The following DEGS2 variants were observed in gnomAD, a reference collection of about 807,000 sequenced individuals.
The protein encoded by DEGS2 is sphingolipid delta(4)-desaturase/C4-monooxygenase DES2.
A neutral mutation model predicts 23.8 loss-of-function variants in DEGS2; 19 were observed. The observed-to-expected ratio is 0.80, with a 90% CI of 0.56 to 1.17. DEGS2 has a LOEUF of 1.17. DEGS2 is among the 50% of genes most tolerant of loss of function. The pLI is 0.00. For synonymous variants in DEGS2, 218 were observed against 213.7 expected, an observed-to-expected ratio of 1.02 and a Z score of -0.18; for missense variants, 390 against 459.5, an observed-to-expected ratio of 0.85 and a Z score of 1.38.
chr14:100,161,460 G>A (rs766106132), upstream of DEGS2, among the ~76,000 whole-genome samples: 5 of 152,188 alleles, frequency 3.3e-5, no homozygotes, highest in Admixed American at 1.3e-4. Context: ...CAGCTTCACG[G>A]TGTTGACGAG....
At chr14:100,147,664 C>A (rs891131491) in intron 2 of DEGS2, among the ~76,000 whole-genome samples, 1 of 146,696 alleles carries the variant, frequency 6.8e-6, no homozygotes, top group South Asian at 2.2e-4. Context: ...CCCTGCCCCC[C>A]CCCCCCAGGA....
intron 1 of DEGS2, among the ~76,000 whole-genome samples, chr14:100,151,174 C>G (rs906823568): frequency 6.6e-6 from 1 of 152,262 alleles, no homozygotes; most frequent in African/African-American, 2.4e-5. Context: ...TCCTCTATGC[C>G]CGTCAGGCTG....
At chr14:100,150,580 C>T (rs1165536343) in intron 1 of DEGS2, among the ~76,000 whole-genome samples, 2 of 152,164 alleles carry the variant, frequency 1.3e-5, no homozygotes, top group Non-Finnish European at 2.9e-5. Context: ...TTCTGCACCC[C>T]TCAGAGGTGA....
In DEGS2 at chr14:100,144,891, A is replaced by G. The variant is rs1300868119; in HGVS notation, c.*1870T>C. 10 of 152,254 alleles carry G rather than the reference A, an allele frequency of 6.6e-5. No individual in the cohort carries two copies. The highest frequency in any genetic ancestry group is 6.5e-4 in the Admixed American group (10 of 15,286). The allele number at this position is 152,254 out of a possible 1,614,324, so 9.4% of individuals were successfully genotyped here. Reference sequence around the variant, plus strand: ...TGCTGGGACCCAGTGGCTGATCTCAAGGGCCGGCTCCTAGCACACTGCACG... The same window carrying G: ...TGCTGGGACCCAGTGGCTGATCTCAGGGGCCGGCTCCTAGCACACTGCACG... On this transcript the variant is annotated 3_prime_UTR_variant, in exon 3 of 3. Coordinates refer to ENST00000305631, the MANE Select transcript of DEGS2 (RefSeq NM_206918.3).
upstream of DEGS2, among the ~76,000 whole-genome samples, chr14:100,162,468 G>A (rs145591708): frequency 4.5e-3 from 685 of 152,298 alleles, 4 homozygotes; most frequent in Non-Finnish European, 8.3e-3. Flanking sequence ...GTCGAGGCAG[G>A]CAGATCACCA....
chr14:100,159,112 C>T (rs1031645913), intron 1 of DEGS2, among the ~76,000 whole-genome samples: 1 of 152,160 alleles, frequency 6.6e-6, no homozygotes, highest in Non-Finnish European at 1.5e-5. Context: ...CGGGTGGAGG[C>T]CCCGCGTCGC....
chr14:100,157,928 A>C (rs1889683720), intron 1 of DEGS2, among the ~76,000 whole-genome samples: 1 of 151,884 alleles, frequency 6.6e-6, no homozygotes, highest in African/African-American at 2.4e-5. Context: ...TCTCTACTAC[A>C]AATACAAAAT....
intron 1 of DEGS2, among the ~76,000 whole-genome samples, chr14:100,152,081 CAAG>C (rs1007058386): frequency 6.6e-6 from 1 of 152,072 alleles, no homozygotes; most frequent in Non-Finnish European, 1.5e-5. Context: ...GGTTCAGGGA[CAAG>C]AAGAGAGAGC....
chr14:100,159,637 A>G lies in DEGS2; in HGVS notation c.-50T>C, dbSNP rs1595281054. The G allele has an allele frequency of 2.9e-6, 3 of 1,045,902 alleles. No individual in the cohort carries two copies. Among genetic ancestry groups the G allele is most frequent in the South Asian group, 1.6e-5 (1 of 60,750 alleles). 64.8% of individuals were successfully genotyped at this position (1,045,902 alleles called of 1,614,324 possible). A position where few individuals can be genotyped will look rare whatever the true frequency, so the allele number is the denominator to read the frequency against. ...AGCGCGGCCGGCTCGGCTCTGCTGC[A>G]CCTGTCGCGGCGGCCGCGGCGCGGA... On this transcript the variant is annotated 5_prime_UTR_variant, in exon 1 of 3. Coordinates refer to ENST00000305631, the MANE Select transcript of DEGS2 (RefSeq NM_206918.3).
At chr14:100,162,321 C>T (rs1345581429), upstream of DEGS2, among the ~76,000 whole-genome samples, 2 of 151,868 alleles carry the variant, frequency 1.3e-5, no homozygotes, top group Non-Finnish European at 2.9e-5. Flanking sequence ...ACTCCAGAGC[C>T]TGGGCAACAG....
Position 100,146,889 on chromosome 14 carries a change from C to A in DEGS2, c.844G>T (p.Glu282Ter), listed in dbSNP as rs1193034606. The A allele has an allele frequency of 6.2e-7, 1 of 1,613,168 alleles. No individual in the cohort carries two copies. Among genetic ancestry groups the A allele is most frequent in the Non-Finnish European group, 8.5e-7 (1 of 1,179,718 alleles). ...TGCTGCGGCAGGTGGTCGTAGTACT[C>A]GGGCGCGATCTTCCGCACCTGTAGA... The part of the protein sequence containing the change: ...NLPLVRKIAP[E>*]YYDHLPQHHS... Residue 282 changes from glutamate to a stop codon, truncating the protein, a stop_gained, in exon 3 of 3, where the codon GAG becomes TAG. Transcript: ENST00000305631. LOFTEE classifies it low-confidence loss of function (END_TRUNC).
chr14:100,148,871 G>C, intron 2 of DEGS2, 97 bp downstream of exon 2: 1 of 1,383,028 alleles, frequency 7.2e-7, no homozygotes, highest in Non-Finnish European at 9.8e-7. Context: ...AAAGGGAGAG[G>C]CTGCTGGGCA....
Position 100,145,823 on chromosome 14 carries a change from C to G in DEGS2, c.*938G>C, listed in dbSNP as rs1029008927. ...CTGTAGAAAGGACCGACACGTCTCA[C>G]GTCACGCACACTCCCAGGACGCTGC... is the stretch of plus-strand genomic sequence containing the variant. On this transcript the variant is annotated 3_prime_UTR_variant, in exon 3 of 3. Coordinates refer to ENST00000305631, the MANE Select transcript of DEGS2 (RefSeq NM_206918.3). 1 of 152,490 alleles carries G rather than the reference C, an allele frequency of 6.6e-6. No individual in the cohort carries two copies. The highest frequency in any genetic ancestry group is 1.5e-5 in the Non-Finnish European group (1 of 68,214). The allele number at this position is 152,490 out of a possible 1,614,324, so 9.4% of individuals were successfully genotyped here. A position where few individuals can be genotyped will look rare whatever the true frequency, so the allele number is the denominator to read the frequency against.
chr14:100,160,349 A>C (rs2895857), upstream of DEGS2, among the ~76,000 whole-genome samples: 11 of 152,234 alleles, frequency 7.2e-5, no homozygotes, highest in Admixed American at 5.9e-4. Flanking sequence ...CTAGGATCCA[A>C]TAGAAGGAAC....
chr14:100,150,860 A>G (rs1473557404), intron 1 of DEGS2, among the ~76,000 whole-genome samples: 1 of 151,882 alleles, frequency 6.6e-6, no homozygotes, highest in Non-Finnish European at 1.5e-5. Flanking sequence ...GAAGGACAGC[A>G]GCGCCCACCC....
Position 100,148,961 on chromosome 14 carries a change from C to T in DEGS2, c.825+7G>A, listed in dbSNP as rs1390985940. The stretch of plus-strand genomic sequence containing the variant: ...CCCGCCGCAGCCCTGCCAGCCCAGC[C>T]ACATACCAGCGGCAGGTTGTAGCCC... On this transcript the variant is annotated splice_region_variant and intron_variant, in intron 2 of 2. Coordinates refer to ENST00000305631, the MANE Select transcript of DEGS2 (RefSeq NM_206918.3). The T allele has an allele frequency of 6.2e-7, 1 of 1,610,360 alleles. No homozygotes were observed. Among genetic ancestry groups the T allele is most frequent in the Admixed American group, 1.7e-5 (1 of 59,938 alleles).
upstream of DEGS2, among the ~76,000 whole-genome samples, chr14:100,160,949 C>T (rs369575717): frequency 5.9e-5 from 9 of 152,208 alleles, no homozygotes; most frequent in East Asian, 1.9e-4. Flanking sequence ...GCCCAGCTTG[C>T]ACCCTTGGGA....
intron 1 of DEGS2, among the ~76,000 whole-genome samples, chr14:100,157,535 G>A (rs1434745825): frequency 6.6e-6 from 1 of 152,200 alleles, no homozygotes; most frequent in Non-Finnish European, 1.5e-5. Flanking sequence ...TGACCCCCAA[G>A]GTTCCTCCCA....
At chr14:100,166,353 G>T in the DEGS2 span, among the ~76,000 whole-genome samples, 1 of 41,492 alleles carries the variant, frequency 2.4e-5, no homozygotes, top group African/African-American at 5.5e-5. Context: ...CCGGGGCTGT[G>T]GGGGGAGCCT....
Sources: gnomAD v4.1 joint callset for allele counts (sites outside exome capture counted in the v4.1 genomes callset) on GRCh38, gnomAD v4.1.1 for gene constraint, MANE v1.5 for transcripts, NCBI Gene and HGNC (gene_info 2026-07-23, HGNC 2026-07-21) for gene names.